Variants in SHANK2 observed in about 807,000 individuals in gnomAD.
The protein encoded by SHANK2 is SH3 and multiple ankyrin repeat domains 2.
Under a neutral mutation model 133.7 loss-of-function variants are expected in SHANK2, and 43 were observed. That is an observed-to-expected ratio of 0.32 (90% CI 0.25 to 0.41). SHANK2 has a LOEUF of 0.41. SHANK2 is among the 10% of genes least tolerant of loss of function. The pLI is 1.00. For missense variants in SHANK2, 1,994 were observed against 2,235.8 expected (o/e 0.89, Z 2.18); for synonymous variants, 1,017 against 952.8 (o/e 1.07, Z -1.24).
intron 14 of SHANK2, among the ~76,000 whole-genome samples, chr11:70,750,493 C>T (rs1047697968): frequency 7.2e-5 from 11 of 152,150 alleles, no homozygotes; most frequent in South Asian, 2.1e-4. Context: ...GCCATTTGAC[C>T]GTGGATGAAG....
At chr11:70,526,887 C>T (rs1169552847) in intron 17 of SHANK2, among the ~76,000 whole-genome samples, 2 of 151,954 alleles carry the variant, frequency 1.3e-5, no homozygotes, top group Non-Finnish European at 2.9e-5. Flanking sequence ...CCTCTGAGCC[C>T]ACTCTCCTCC....
Position 70,569,925 on chromosome 11 carries a change from G to A in SHANK2, c.2062-66994C>T, listed in dbSNP as rs1166126157. ...CAAGACAGAGACACTCACCGAGACA[G>A]AGACACAGAGACATAGAGAGAGAGA... is the stretch of plus-strand genomic sequence containing the variant. On this transcript the variant is annotated intron_variant, in intron 17 of 25. Coordinates refer to ENST00000601538, the MANE Select transcript of SHANK2 (RefSeq NM_012309.5). This position sits in a 1 kb window ranked among gnomAD's most constrained non-coding sequence, Gnocchi z 5.1. Among the ~76,000 whole-genome samples the A allele has an allele frequency of 6.9e-6, 1 of 144,928 alleles. No individual in the cohort carries two copies. Among genetic ancestry groups the A allele is most frequent in the East Asian group, 1.9e-4 (1 of 5,158 alleles).
intron 10 of SHANK2, among the ~76,000 whole-genome samples, chr11:70,932,956 C>A (rs201859390): frequency 6.6e-6 from 1 of 152,164 alleles, no homozygotes; most frequent in Non-Finnish European, 1.5e-5. Flanking sequence ...ACAGTACAGC[C>A]GTTCCTGGAA....
intron 2 of SHANK2, among the ~76,000 whole-genome samples, chr11:71,163,093 A>AACATATATATATATATATATATATATAT: frequency 3.5e-5 from 3 of 84,678 alleles, no homozygotes; most frequent in Non-Finnish European, 5.1e-5. Flanking sequence ...AAAAAAAAAA[A>AACATATATATATATATATATATATATAT]ATACATATAT....
chr11:70,755,220 C>T (rs1207454127), intron 14 of SHANK2, among the ~76,000 whole-genome samples: 1 of 152,086 alleles, frequency 6.6e-6, no homozygotes, highest in East Asian at 1.9e-4. Context: ...TACAGGTGGC[C>T]ACCACCACAC....
intron 14 of SHANK2, among the ~76,000 whole-genome samples, chr11:70,718,910 T>C (rs1036518030): frequency 6.6e-6 from 1 of 152,170 alleles, no homozygotes; most frequent in African/African-American, 2.4e-5. Context: ...TCACTGGCGC[T>C]ATGAGCTTGG....
intron 14 of SHANK2, among the ~76,000 whole-genome samples, chr11:70,778,811 C>G (rs1947422062): frequency 6.6e-6 from 1 of 152,188 alleles, no homozygotes; most frequent in South Asian, 2.1e-4. Context: ...GCCTACTGCC[C>G]TCCACACTGG....
At chr11:70,496,347 T>G (rs1350559155) in intron 21 of SHANK2, among the ~76,000 whole-genome samples, 1 of 152,326 alleles carries the variant, frequency 6.6e-6, no homozygotes, top group East Asian at 1.9e-4. Flanking sequence ...TGAGGCTGAT[T>G]CATTTCCATC....
In SHANK2 at chr11:71,220,582, G is replaced by C. The variant is rs1308692111; in HGVS notation, c.-13+4115C>G. On this transcript the variant is annotated intron_variant, in intron 2 of 25. Coordinates refer to ENST00000601538, the MANE Select transcript of SHANK2 (RefSeq NM_012309.5). ...ACAAGGTGTGGTCCATTCACAGAAG[G>C]AGTATTTCTTAGGCTTAAAAAGAAA... Among the ~76,000 whole-genome samples the C allele has an allele frequency of 1.4e-4, 21 of 152,278 alleles. 1 individual carries two copies. The highest frequency in any genetic ancestry group is 1.9e-4 in the East Asian group (1 of 5,176).
intron 17 of SHANK2, among the ~76,000 whole-genome samples, chr11:70,592,038 AAAAT>A (rs1417386749): frequency 1.4e-5 from 2 of 145,062 alleles, no homozygotes; most frequent in African/African-American, 4.9e-5. Flanking sequence ...GTCTAAAAAA[AAAAT>A]AAATAAATAA....
At chr11:70,484,675 A>G (rs1284066827) in intron 25 of SHANK2, among the ~76,000 whole-genome samples, 1 of 152,218 alleles carries the variant, frequency 6.6e-6, no homozygotes, top group African/African-American at 2.4e-5. Context: ...GTTCCAATGG[A>G]AATAATGTAA....
intron 1 of SHANK2, among the ~76,000 whole-genome samples, chr11:71,238,456 G>T (rs1449298539): frequency 6.6e-6 from 1 of 152,160 alleles, no homozygotes; most frequent in African/African-American, 2.4e-5. Flanking sequence ...AGAAAACCAA[G>T]GCCCAGAGAG....
At chr11:70,950,587 C>G (rs1259032735) in intron 10 of SHANK2, among the ~76,000 whole-genome samples, 1 of 151,922 alleles carries the variant, frequency 6.6e-6, no homozygotes, top group Non-Finnish European at 1.5e-5. Context: ...TTCGTGCTGC[C>G]ACACCAGTGA....
intron 17 of SHANK2, among the ~76,000 whole-genome samples, chr11:70,594,002 C>A (rs1277318214): frequency 6.6e-6 from 1 of 152,148 alleles, no homozygotes; most frequent in African/African-American, 2.4e-5. Context: ...CAGGGAGGGG[C>A]TTGCAGAAAG....
chr11:70,827,637 T>G (rs1565345775), intron 11 of SHANK2, among the ~76,000 whole-genome samples: 1 of 136,066 alleles, frequency 7.3e-6, no homozygotes, highest in African/African-American at 2.8e-5. Flanking sequence ...TGTGTGTGTG[T>G]GTTTTTTTTT....
At chr11:70,543,342 G>A (rs1327928694) in intron 17 of SHANK2, among the ~76,000 whole-genome samples, 1 of 152,164 alleles carries the variant, frequency 6.6e-6, no homozygotes, top group Non-Finnish European at 1.5e-5. Flanking sequence ...CAGAATGGGG[G>A]CTGGTTACCA....
chr11:70,853,790 C>T (rs1949127512), intron 11 of SHANK2, among the ~76,000 whole-genome samples: 1 of 152,208 alleles, frequency 6.6e-6, no homozygotes, highest in South Asian at 2.1e-4. Context: ...CTTCCTCCCT[C>T]CAGGGCCTCT....
At chr11:71,098,470 G>GT (rs1474781824) in intron 6 of SHANK2, among the ~76,000 whole-genome samples, 1 of 152,184 alleles carries the variant, frequency 6.6e-6, no homozygotes, top group Non-Finnish European at 1.5e-5. Context: ...CCTCCAGCAG[G>GT]TTTTTTAGAA....
At chr11:70,527,808 G>A (rs1237405276) in intron 17 of SHANK2, among the ~76,000 whole-genome samples, 2 of 152,288 alleles carry the variant, frequency 1.3e-5, no homozygotes, top group East Asian at 1.9e-4. Flanking sequence ...GAGGACAGAG[G>A]ACACCCAGGG....
Sources: gnomAD v4.1 joint callset for allele counts (sites outside exome capture counted in the v4.1 genomes callset) on GRCh38, gnomAD v4.1.1 for gene constraint, Gnocchi (gnomAD v3.1) non-coding constraint, MANE v1.5 for transcripts, NCBI Gene and HGNC (gene_info 2026-07-23, HGNC 2026-07-21) for gene names.